PTCHD4: variants seen among roughly 807,000 people sequenced by gnomAD.
PTCHD4 encodes patched domain-containing protein 4.
A neutral mutation model predicts 58.1 loss-of-function variants in PTCHD4; 33 were observed. The observed-to-expected ratio is 0.57, with a 90% CI of 0.43 to 0.76. The LOEUF is 0.76. PTCHD4 is among the 30% of genes least tolerant of loss of function. The pLI is 0.00. For missense variants in PTCHD4, 1,058 were observed against 1,027.1 expected (o/e 1.03, Z -0.41); for synonymous variants, 478 against 409.6 (o/e 1.17, Z -2.02).
intron 1 of PTCHD4, among the ~76,000 whole-genome samples, chr6:48,098,318 T>C (rs1204099945): frequency 2.1e-5 from 3 of 142,606 alleles, no homozygotes; most frequent in Non-Finnish European, 3.1e-5. Flanking sequence ...TTTCTTTTCT[T>C]TTCTTCTTCT....
intron 3 of PTCHD4, among the ~76,000 whole-genome samples, chr6:48,063,831 T>G (rs1167751975): frequency 2.0e-5 from 3 of 152,150 alleles, no homozygotes; most frequent in Non-Finnish European, 4.4e-5. Flanking sequence ...GAGAAAGAAG[T>G]CCATAGCATA....
intron 4 of PTCHD4, among the ~76,000 whole-genome samples, chr6:47,992,288 C>T (rs143632296): frequency 2.5e-4 from 38 of 152,166 alleles, no homozygotes; most frequent in East Asian, 1.7e-3. Flanking sequence ...CACACACACA[C>T]GTGAACATAT....
chr6:48,033,809 G>C (rs372488281), intron 3 of PTCHD4, among the ~76,000 whole-genome samples: 2 of 151,960 alleles, frequency 1.3e-5, no homozygotes, highest in African/African-American at 4.8e-5. Flanking sequence ...CTTTTCCATT[G>C]ATTTCAAGAG....
chr6:47,956,082 A>T (rs918533294), intron 4 of PTCHD4, among the ~76,000 whole-genome samples: 1 of 152,234 alleles, frequency 6.6e-6, no homozygotes, highest in African/African-American at 2.4e-5. Context: ...TTCTGAATGA[A>T]TGAGTAGTAC....
intron 1 of PTCHD4, among the ~76,000 whole-genome samples, chr6:48,092,497 C>T (rs1765386431): frequency 6.6e-6 from 1 of 152,062 alleles, no homozygotes; most frequent in Admixed American, 6.6e-5. Flanking sequence ...AGCCATAGAC[C>T]TGGTATTCAG....
chr6:47,856,776 C>T lies in PTCHD4; in HGVS notation c.*21527G>A, dbSNP rs1045087524. Among the ~76,000 whole-genome samples the T allele has an allele frequency of 1.3e-5, 2 of 152,016 alleles. No individual in the cohort carries two copies. Among genetic ancestry groups the T allele is most frequent in the Non-Finnish European group, 2.9e-5 (2 of 67,992 alleles). ...GTTATAGAGAGAATAATTTTATGAACATTTTATACCTAATAAAAAAGTTAA... is the reference window on the plus strand; with the variant it reads ...GTTATAGAGAGAATAATTTTATGAATATTTTATACCTAATAAAAAAGTTAA... On this transcript the variant is annotated 3_prime_UTR_variant, in exon 5 of 5. Transcript: ENST00000339488.
chr6:47,932,701 G>C (rs979383966), intron 4 of PTCHD4, among the ~76,000 whole-genome samples: 3 of 152,188 alleles, frequency 2.0e-5, no homozygotes. Flanking sequence ...ACATATTCTG[G>C]AGCAAGCGCA....
At chr6:47,898,620 G>T (rs1194579564) in intron 4 of PTCHD4, among the ~76,000 whole-genome samples, 3 of 152,078 alleles carry the variant, frequency 2.0e-5, no homozygotes, top group Admixed American at 6.5e-5. Flanking sequence ...TAAACACAAA[G>T]ACCTGAGCTA....
intron 4 of PTCHD4, among the ~76,000 whole-genome samples, chr6:47,940,770 CTTCT>C (rs966697894): frequency 6.6e-6 from 1 of 152,014 alleles, no homozygotes; most frequent in African/African-American, 2.4e-5. Flanking sequence ...TTTTCTTTTC[CTTCT>C]AATTACTCAC....
chr6:48,005,039 A>G (rs1340676627), intron 4 of PTCHD4, among the ~76,000 whole-genome samples: 1 of 152,238 alleles, frequency 6.6e-6, no homozygotes, highest in Non-Finnish European at 1.5e-5. Flanking sequence ...TTTGACACAT[A>G]TAATTTTTTT....
intron 4 of PTCHD4, among the ~76,000 whole-genome samples, chr6:47,996,528 G>A (rs1043576382): frequency 2.6e-5 from 4 of 152,060 alleles, no homozygotes; most frequent in Admixed American, 6.5e-5. Flanking sequence ...CAGAAGCCCC[G>A]GGCTCAGTTG....
intron 4 of PTCHD4, among the ~76,000 whole-genome samples, chr6:47,953,589 A>G (rs985958545): frequency 6.6e-6 from 1 of 152,190 alleles, no homozygotes; most frequent in Non-Finnish European, 1.5e-5. Context: ...AATTAGAATC[A>G]GATTATAAAG....
At chr6:48,022,898 G>GT (rs1231555892) in intron 3 of PTCHD4, among the ~76,000 whole-genome samples, 2 of 151,622 alleles carry the variant, frequency 1.3e-5, no homozygotes, top group East Asian at 3.9e-4. Context: ...ATAATTCTTT[G>GT]TTTTTAATTT....
At chr6:47,893,616 G>A (rs1363944153) in intron 4 of PTCHD4, among the ~76,000 whole-genome samples, 1 of 152,180 alleles carries the variant, frequency 6.6e-6, no homozygotes, top group African/African-American at 2.4e-5. Flanking sequence ...CCTGCAAAAT[G>A]GAGAGAATAA....
intron 4 of PTCHD4, among the ~76,000 whole-genome samples, chr6:47,886,809 G>A (rs1324005230): frequency 6.6e-6 from 1 of 152,106 alleles, no homozygotes; most frequent in Non-Finnish European, 1.5e-5. Flanking sequence ...TTCCTACTTA[G>A]CATGTTCTCA....
chr6:48,015,083 C>T (rs932713291), intron 3 of PTCHD4, among the ~76,000 whole-genome samples: 5 of 152,098 alleles, frequency 3.3e-5, no homozygotes, highest in Non-Finnish European at 7.4e-5. Flanking sequence ...TTCTGAAATT[C>T]CTTTAAGTGT....
intron 4 of PTCHD4, among the ~76,000 whole-genome samples, chr6:47,923,053 C>T (rs905352989): frequency 6.6e-6 from 1 of 152,120 alleles, no homozygotes; most frequent in African/African-American, 2.4e-5. Flanking sequence ...TGATGTCTTA[C>T]TGACTAGTGC....
At chr6:48,009,218 G>A (rs1762583849) in intron 3 of PTCHD4, 104 bp from the exon 4 acceptor site, 3 of 1,248,854 alleles carry the variant, frequency 2.4e-6, no homozygotes, top group South Asian at 3.2e-5. Flanking sequence ...ATAGGTGCTA[G>A]TAATTGTGAA....
rs576724089 is a variant in PTCHD4 at position 48,028,582 on chromosome 6, G to A, written c.418-19468C>T. Among the ~76,000 whole-genome samples, 47 of 152,132 alleles carry A rather than the reference G, an allele frequency of 3.1e-4. No homozygotes were observed. The Middle Eastern group carries it at 0.017, about 55-fold the overall frequency. ...TTTGTTTTTTTCTCTAAGTAACCGA[G>A]TATTTTTGGATTTTTTTGGTCTGTT... On this transcript the variant is annotated intron_variant, in intron 3 of 4. Coordinates refer to ENST00000339488, the MANE Select transcript of PTCHD4 (RefSeq NM_001384253.1).
Sources: allele counts gnomAD v4.1 joint callset (sites outside exome capture counted in the v4.1 genomes callset), GRCh38; gene constraint gnomAD v4.1.1; transcripts MANE v1.5; gene names NCBI Gene and HGNC (gene_info 2026-07-23, HGNC 2026-07-21).